The following MYO9A variants were observed in gnomAD, a reference collection of about 807,000 sequenced individuals.
MYO9A encodes the protein unconventional myosin-IXa.
In MYO9A, 103 loss-of-function variants were observed where a neutral mutation model predicts 293.3. The observed-to-expected ratio is 0.35, with a 90% CI of 0.30 to 0.41. The LOEUF (loss-of-function observed/expected upper bound fraction) is 0.41, where lower values mean the gene tolerates loss of function less well. MYO9A is among the 10% of genes least tolerant of loss of function. The pLI is 1.00. For missense variants in MYO9A, 2,685 were observed against 3,033.0 expected, an observed-to-expected ratio of 0.89 and a Z score of 2.69; for synonymous variants, 1,001 against 1,035.7, an observed-to-expected ratio of 0.97 and a Z score of 0.64.
chr15:72,084,676 A>G (rs1478169378), intron 1 of MYO9A, among the ~76,000 whole-genome samples: 1 of 152,218 alleles, frequency 6.6e-6, no homozygotes, highest in Non-Finnish European at 1.5e-5. Flanking sequence ...AAATTCCCTC[A>G]GCAATTACAT....
chr15:71,827,782 G>A (rs1273889456), intron 41 of MYO9A, 102 bp downstream of exon 41: 24 of 1,280,066 alleles, frequency 1.9e-5, no homozygotes, highest in Admixed American at 2.3e-5. Context: ...TATTGCTGAT[G>A]TACAGTCAGT....
rs747017616 is a variant in MYO9A, at chr15:71,899,812, C to T, written c.3345G>A (p.Arg1115=). The change falls in exon 24 of 42, where the codon AGG becomes AGA. Residue 1115 remains arginine (R), a synonymous_variant. Transcript: ENST00000356056. ...CTTGTATGCAAATAGCAGCCATGTG[C>T]CTGCGCCTATAGTAATCTCTCCATT... The part of the protein sequence containing the change: ...QQKWRDYYRR[R]HMAAICIQAR... 1 of 1,614,108 alleles carries T rather than the reference C, an allele frequency of 6.2e-7. No homozygotes were observed. Among genetic ancestry groups the T allele is most frequent in the South Asian group, 1.1e-5 (1 of 91,080 alleles).
At chr15:72,063,994 T>G (rs1459470622) in intron 1 of MYO9A, among the ~76,000 whole-genome samples, 2 of 151,920 alleles carry the variant, frequency 1.3e-5, no homozygotes, top group African/African-American at 4.8e-5. Context: ...AAGAATGAGA[T>G]CCCATCATTT....
chr15:72,106,049 C>A (rs1567047399), intron 1 of MYO9A, among the ~76,000 whole-genome samples: 1 of 152,044 alleles, frequency 6.6e-6, no homozygotes. Context: ...ACATGGTATG[C>A]TACCTTTAGC....
chr15:71,905,075 T>A (rs1055917668), intron 19 of MYO9A, 69 bp from the exon 20 acceptor site: 2 of 1,338,028 alleles, frequency 1.5e-6, no homozygotes, highest in Non-Finnish European at 2.1e-6. Flanking sequence ...TTTATAACTA[T>A]AATCAACATG....
chr15:71,963,883 T>C (rs2075806879), intron 13 of MYO9A, among the ~76,000 whole-genome samples: 1 of 152,262 alleles, frequency 6.6e-6, no homozygotes, highest in African/African-American at 2.4e-5. Context: ...TTTAAATGTT[T>C]GGAAGCATTC....
chr15:72,007,448 G>C (rs1218268664), intron 8 of MYO9A, among the ~76,000 whole-genome samples: 1 of 150,724 alleles, frequency 6.6e-6, no homozygotes, highest in Non-Finnish European at 1.5e-5. Context: ...CCCCCATCTT[G>C]AAACAAAATA....
intron 6 of MYO9A, among the ~76,000 whole-genome samples, chr15:72,018,095 A>G (rs904033229): frequency 2.6e-5 from 4 of 151,934 alleles, no homozygotes; most frequent in Non-Finnish European, 5.9e-5. Context: ...ATACAGTAAT[A>G]TAATTTTTAA....
chr15:71,856,463 C>G (rs949228061), intron 34 of MYO9A, among the ~76,000 whole-genome samples: 2 of 151,560 alleles, frequency 1.3e-5, no homozygotes, highest in African/African-American at 4.9e-5. Context: ...TTGAAAAGAC[C>G]TGATGTTCAA....
intron 13 of MYO9A, among the ~76,000 whole-genome samples, chr15:71,964,111 T>G (rs1408185076): frequency 6.6e-6 from 1 of 152,158 alleles, no homozygotes; most frequent in Non-Finnish European, 1.5e-5. Context: ...GTAGTAAAGT[T>G]CTTTTTTCAT....
chr15:72,095,036 G>A (rs975310093), intron 1 of MYO9A, among the ~76,000 whole-genome samples: 3 of 91,382 alleles, frequency 3.3e-5, no homozygotes, highest in African/African-American at 7.7e-5. Context: ...TTGAAATTAG[G>A]CCAATTAATA....
intron 12 of MYO9A, among the ~76,000 whole-genome samples, chr15:71,969,139 C>A (rs574713167): frequency 1.3e-5 from 2 of 152,142 alleles, no homozygotes; most frequent in African/African-American, 2.4e-5. Flanking sequence ...TATCACAGTG[C>A]CAGTAGAATT....
intron 1 of MYO9A, among the ~76,000 whole-genome samples, chr15:72,108,643 T>C (rs1394076309): frequency 6.6e-6 from 1 of 152,206 alleles, no homozygotes; most frequent in African/African-American, 2.4e-5. Flanking sequence ...AAATTCAATA[T>C]TAAATTAGGG....
At chr15:71,985,585 A>G (rs892068554) in intron 11 of MYO9A, among the ~76,000 whole-genome samples, 11 of 152,150 alleles carry the variant, frequency 7.2e-5, no homozygotes, top group African/African-American at 2.7e-4. Flanking sequence ...TTTTTGAGTC[A>G]GAAGAAAACC....
intron 19 of MYO9A, among the ~76,000 whole-genome samples, chr15:71,912,746 T>C (rs1425986983): frequency 2.0e-5 from 3 of 152,190 alleles, no homozygotes; most frequent in African/African-American, 7.2e-5. Flanking sequence ...TACTTAACCT[T>C]AGTTTTTAAA....
intron 1 of MYO9A, among the ~76,000 whole-genome samples, chr15:72,072,218 G>A (rs748915475): frequency 1.3e-5 from 2 of 151,074 alleles, no homozygotes; most frequent in Non-Finnish European, 2.9e-5. Flanking sequence ...TGCAAGCTCC[G>A]CCTCCCAGGT....
intron 1 of MYO9A, among the ~76,000 whole-genome samples, chr15:72,079,189 T>C (rs981132238): frequency 1.3e-5 from 2 of 151,866 alleles, no homozygotes; most frequent in African/African-American, 4.8e-5. Flanking sequence ...TGCTAAACAA[T>C]AGGGGAAACT....
chr15:72,114,977 A>G (rs573759519), intron 1 of MYO9A, among the ~76,000 whole-genome samples: 1 of 152,316 alleles, frequency 6.6e-6, no homozygotes, highest in African/African-American at 2.4e-5. Flanking sequence ...ATTAGGAAAG[A>G]TGGAGTTTAT....
At chr15:71,922,644 T>C (rs1184467389) in intron 18 of MYO9A, among the ~76,000 whole-genome samples, 1 of 152,200 alleles carries the variant, frequency 6.6e-6, no homozygotes, top group Non-Finnish European at 1.5e-5. Context: ...CAAAACTCTA[T>C]TATATACTGC....
Sources: allele counts gnomAD v4.1 joint callset (sites outside exome capture counted in the v4.1 genomes callset), GRCh38; gene constraint gnomAD v4.1.1; transcripts MANE v1.5; gene names NCBI Gene and HGNC (gene_info 2026-07-23, HGNC 2026-07-21).